The following NUP133 variants were observed in gnomAD, a reference collection of about 807,000 sequenced individuals.
The protein encoded by NUP133 is nuclear pore complex protein Nup133.
NUP133 carries 66 observed loss-of-function variants against 146.2 expected under a neutral mutation model. The ratio of observed to expected loss-of-function variants is 0.45; its 90% CI spans 0.37 to 0.55. The LOEUF is 0.55. NUP133 is among the 20% of genes least tolerant of loss of function. The pLI is 0.00. For missense variants in NUP133, 1,277 were observed against 1,374.8 expected, an observed-to-expected ratio of 0.93 and a Z score of 1.12; for synonymous variants, 521 against 498.8, an observed-to-expected ratio of 1.04 and a Z score of -0.59.
At chr1:229,452,709 G>C in intron 21 of NUP133, 66 bp from the exon 22 acceptor site, 3 of 1,263,624 alleles carry the variant, frequency 2.4e-6, no homozygotes, top group Non-Finnish European at 3.3e-6. Flanking sequence ...TCTCATTTTT[G>C]CTGTCATAAA....
chr1:229,462,172 C>T (rs1448888071), intron 19 of NUP133, among the ~76,000 whole-genome samples: 1 of 152,188 alleles, frequency 6.6e-6, no homozygotes, highest in Admixed American at 6.5e-5. Context: ...GCGTGAGCCA[C>T]CTTGCCCAGC....
At chr1:229,487,280 T>A (rs546269581) in intron 10 of NUP133, among the ~76,000 whole-genome samples, 186 bp downstream of exon 10, 1 of 152,206 alleles carries the variant, frequency 6.6e-6, no homozygotes, top group Admixed American at 6.5e-5. Context: ...TATAATAGTT[T>A]GGAAATTCTA....
chr1:229,493,770 C>G (rs1203355478), intron 8 of NUP133, among the ~76,000 whole-genome samples: 3 of 152,178 alleles, frequency 2.0e-5, no homozygotes, highest in African/African-American at 7.2e-5. Context: ...TGGGTGGACC[C>G]TGCATAGCAA....
At chr1:229,445,953 A>G (rs1451098637) in intron 24 of NUP133, among the ~76,000 whole-genome samples, 1 of 152,230 alleles carries the variant, frequency 6.6e-6, no homozygotes, top group Non-Finnish European at 1.5e-5. Context: ...TGTGAGTAGG[A>G]GAAGGCTTTT....
intron 20 of NUP133, 25 bp from the exon 21 acceptor site, chr1:229,458,321 G>A (rs545956379): frequency 6.9e-6 from 11 of 1,605,398 alleles, no homozygotes; most frequent in South Asian, 6.6e-5. Flanking sequence ...GCAAACCATC[G>A]TAAGATACTG....
At chr1:229,443,894 CTTTTTTTTT>C (rs746631129) in intron 25 of NUP133, among the ~76,000 whole-genome samples, 1 of 114,874 alleles carries the variant, frequency 8.7e-6, no homozygotes, top group Non-Finnish European at 1.7e-5. Flanking sequence ...GTGCTCAACT[CTTTTTTTTT>C]TTTTTTTTTT....
chr1:229,470,284 T>C (rs749253873), intron 15 of NUP133, among the ~76,000 whole-genome samples: 1 of 131,902 alleles, frequency 7.6e-6, no homozygotes, highest in East Asian at 2.1e-4. Flanking sequence ...TGAGACTCCA[T>C]CTCAAAAAAA....
At chr1:229,464,201 G>A (rs970288775) in intron 18 of NUP133, among the ~76,000 whole-genome samples, 4 of 151,672 alleles carry the variant, frequency 2.6e-5, no homozygotes, top group African/African-American at 9.7e-5. Flanking sequence ...TCCCCAAAAC[G>A]CTATTCTCTT....
chr1:229,471,519 C>T (rs573428231), intron 14 of NUP133, among the ~76,000 whole-genome samples: 1 of 152,292 alleles, frequency 6.6e-6, no homozygotes, highest in African/African-American at 2.4e-5. Context: ...GATTTCCATA[C>T]CCCTAATGCT....
At position 229,441,861 on chromosome 1, in the gene NUP133, C is replaced by T. The variant is rs1558085382; in HGVS notation, c.*43G>A. On this transcript the variant is annotated 3_prime_UTR_variant, in exon 26 of 26. Transcript: ENST00000261396. Reference sequence around the variant, plus strand: ...ATGGCCTAAAATTTGTATAAGGACACACTTATACAGATTTCATAAACAATG... The same window carrying T: ...ATGGCCTAAAATTTGTATAAGGACATACTTATACAGATTTCATAAACAATG... The T allele has an allele frequency of 2.7e-6, 4 of 1,485,042 alleles. No homozygotes were observed. Among genetic ancestry groups the T allele is most frequent in the Non-Finnish European group, 2.7e-6 (3 of 1,104,248 alleles). The allele number at this position is 1,485,042 out of a possible 1,614,324, so 92.0% of individuals were successfully genotyped here.
At chr1:229,444,266 G>A (rs909194158) in intron 25 of NUP133, among the ~76,000 whole-genome samples, 4 of 152,058 alleles carry the variant, frequency 2.6e-5, no homozygotes, top group Admixed American at 2.6e-4. Context: ...AGGAGGTGGA[G>A]GTTGTAGTAA....
At chr1:229,480,841 C>T (rs921592979) in intron 12 of NUP133, among the ~76,000 whole-genome samples, 1 of 151,054 alleles carries the variant, frequency 6.6e-6, no homozygotes, top group Non-Finnish European at 1.5e-5. Flanking sequence ...CATGTGCCAC[C>T]ACACCCAGCT....
In NUP133 at chr1:229,475,710, C is replaced by T. The variant is rs746148617; in HGVS notation, c.1779G>A (p.Thr593=). 13 of 1,613,836 alleles carry T rather than the reference C, an allele frequency of 8.1e-6. No individual in the cohort carries two copies. Among genetic ancestry groups the T allele is most frequent in the South Asian group, 3.3e-5 (3 of 91,086 alleles). Residue 593 remains threonine, a synonymous_variant, in exon 14 of 26, where the codon ACG becomes ACA. Transcript: ENST00000261396. ...CTAGCTGGTGAAGGATAATCAGTGA[C>T]GTATTGCTGAACCCAGGTGCTTCTG... ...VPEEAPGFSN[T]SLIILHQLED... is the part of the protein sequence containing the mutation.
At chr1:229,463,457 G>T in intron 19 of NUP133, 86 bp downstream of exon 19, 2 of 1,377,692 alleles carry the variant, frequency 1.5e-6, no homozygotes, top group Non-Finnish European at 2.0e-6. Flanking sequence ...TATTCCAAAA[G>T]CCCTGATTAC....
At chr1:229,448,019 C>A (rs901931014) in intron 24 of NUP133, among the ~76,000 whole-genome samples, 2 of 152,236 alleles carry the variant, frequency 1.3e-5, no homozygotes, top group African/African-American at 4.8e-5. Flanking sequence ...GTCGTCCTCG[C>A]TGCTCATTAT....
chr1:229,500,855 A>G lies in NUP133; in HGVS notation c.414T>C (p.Val138=). The G allele has an allele frequency of 6.2e-7, 1 of 1,610,360 alleles. No individual in the cohort carries two copies. Among genetic ancestry groups the G allele is most frequent in the Non-Finnish European group, 8.5e-7 (1 of 1,177,404 alleles). The change falls in exon 4 of 26, where the codon GTT becomes GTC. Residue 138 remains valine, a synonymous_variant. Coordinates refer to ENST00000261396, the MANE Select transcript of NUP133 (RefSeq NM_018230.3). The part of the protein sequence containing the change: ...IALSPITKLS[V]CKELQLPPSD... Reference sequence around the variant, plus strand: ...TAGGTGGCAGCTGAAGTTCTTTGCAAACGGATAACTGTAGAACAAACCCAA... The same window carrying G: ...TAGGTGGCAGCTGAAGTTCTTTGCAGACGGATAACTGTAGAACAAACCCAA...
intron 10 of NUP133, 76 bp downstream of exon 10, chr1:229,487,390 T>C (rs4925493): frequency 0.22 from 308,451 of 1,393,174 alleles, 37,613 homozygotes; most frequent in African/African-American, 0.47. Context: ...TGAAGTGACA[T>C]TCAGGGAAAG....
Position 229,477,628 on chromosome 1 carries a change from A to C in NUP133, c.1725T>G (p.Ser575=). The C allele has an allele frequency of 6.2e-7, 1 of 1,613,742 alleles. No homozygotes were observed. The highest frequency in any genetic ancestry group is 8.5e-7 in the Non-Finnish European group (1 of 1,179,740). Residue 575 remains serine, a synonymous_variant, in exon 13 of 26, where the codon TCT becomes TCG. Coordinates refer to ENST00000261396, the MANE Select transcript of NUP133 (RefSeq NM_018230.3). ...GGACAGACTCAGCCCACCGTGGGTC[A>C]GATGCTGGGTAGTCATCCATCAGGT... ...SVDLMDDYPA[S]DPRWAESVPE...
chr1:229,451,733 T>C (rs987741931), intron 22 of NUP133, among the ~76,000 whole-genome samples: 1 of 152,198 alleles, frequency 6.6e-6, no homozygotes, highest in African/African-American at 2.4e-5. Flanking sequence ...CTTACAGCAC[T>C]CAAAAGATAA....
Sources: gnomAD v4.1 joint callset for allele counts (sites outside exome capture counted in the v4.1 genomes callset) on GRCh38, gnomAD v4.1.1 for gene constraint, MANE v1.5 for transcripts, NCBI Gene and HGNC (gene_info 2026-07-23, HGNC 2026-07-21) for gene names.